VWF: variants seen among roughly 807,000 people sequenced by gnomAD.
VWF encodes von Willebrand factor, also known as Factor VIII related antigen.
Under a neutral mutation model 308.6 loss-of-function variants are expected in VWF, and 176 were observed. That is an observed-to-expected ratio of 0.57 (90% CI 0.50 to 0.65). The LOEUF (loss-of-function observed/expected upper bound fraction) is 0.65. Ranked by LOEUF, VWF falls within the 30% of genes least tolerant of loss-of-function variation. The probability of loss-of-function intolerance (pLI) is 0.00; values close to 1 mark genes in which losing one functional copy is unlikely to be tolerated. For missense variants in VWF, 3,146 were observed against 3,648.2 expected, an observed-to-expected ratio of 0.86 and a Z score of 3.55; for synonymous variants, 1,385 against 1,443.4, an observed-to-expected ratio of 0.96 and a Z score of 0.92.
Position 6,095,547 on chromosome 12 carries a change from T to TG in VWF, c.569dup (p.Trp191MetfsTer11). Reference sequence around the variant, plus strand: ...ACTGTTCTCCACTGCTCAGAGCCCATGAGTTGGCAAAGTCATAAGGGTCCG... The same window carrying TG: ...ACTGTTCTCCACTGCTCAGAGCCCATGGAGTTGGCAAAGTCATAAGGGTCCG... On this transcript the variant is annotated frameshift_variant, in exon 6 of 52. Coordinates refer to ENST00000261405, the MANE Select transcript of VWF (RefSeq NM_000552.5). LOFTEE classifies it high-confidence loss of function. 1 of 1,614,022 alleles carries TG rather than the reference T, an allele frequency of 6.2e-7. No homozygotes were observed. Among genetic ancestry groups the TG allele is most frequent in the Non-Finnish European group, 8.5e-7 (1 of 1,179,906 alleles).
chr12:5,967,110 C>T (rs949075007), intron 47 of VWF, among the ~76,000 whole-genome samples: 5 of 152,166 alleles, frequency 3.3e-5, no homozygotes, highest in African/African-American at 9.7e-5. Context: ...TTGTGTAGAG[C>T]CTTGCACATA....
In VWF at chr12:6,057,930, C is replaced by T. The variant is rs61754011; in HGVS notation, c.1648G>A (p.Gly550Arg). The T allele has an allele frequency of 6.2e-7, 1 of 1,613,688 alleles. No individual in the cohort carries two copies. The highest frequency in any genetic ancestry group is 8.5e-7 in the Non-Finnish European group (1 of 1,179,982). Residue 550 changes from glycine to arginine, a missense_variant, in exon 14 of 52, where the codon GGG (glycine) becomes AGG (arginine). Physicochemically the swap from Gly to Arg is moderately radical, Grantham distance 125 (BLOSUM62 -2). Coordinates refer to ENST00000261405, the MANE Select transcript of VWF (RefSeq NM_000552.5). ...TCCCCGTGCAGCTTCCAGGCGTTCCCGAAGTCCTCCACCCGGGGCTCCGCC... is the reference window on the plus strand; with the variant it reads ...TCCCCGTGCAGCTTCCAGGCGTTCCTGAAGTCCTCCACCCGGGGCTCCGCC... ...GLAEPRVEDF[G>R]NAWKLHGDCQ...
intron 41 of VWF, among the ~76,000 whole-genome samples, chr12:5,982,281 C>A (rs535824554): frequency 6.6e-6 from 1 of 152,134 alleles, no homozygotes; most frequent in African/African-American, 2.4e-5. Context: ...CTGGAAGGGG[C>A]GGGTTCCTTC....
intron 3 of VWF, among the ~76,000 whole-genome samples, chr12:6,114,920 C>T (rs751543990): frequency 1.3e-5 from 2 of 152,302 alleles, no homozygotes; most frequent in East Asian, 1.9e-4. Context: ...GGGGCTGCAT[C>T]GTGCCCTTCA....
At chr12:6,095,378 A>C in intron 6 of VWF, 82 bp downstream of exon 6, 1 of 1,606,188 alleles carries the variant, frequency 6.2e-7, no homozygotes. Flanking sequence ...CCCAGATGGA[A>C]GGATATGAGA....
chr12:5,951,018 C>G (rs976124310), intron 50 of VWF, among the ~76,000 whole-genome samples: 1 of 152,186 alleles, frequency 6.6e-6, no homozygotes, highest in African/African-American at 2.4e-5. Context: ...CATGTTTTCA[C>G]TCTTCCTTTC....
In VWF at chr12:5,981,840, G is replaced by C; in HGVS notation, c.7233C>G (p.Ala2411=). The stretch of plus-strand genomic sequence containing the variant: ...AGCCACAGTCATTGGTGGCAGTTGA[G>C]GCCAAGTACCCAAGGGGACAGCTCA... ...STVSCPLGYL[A]STATNDCGCT... The change falls in exon 42 of 52, where the codon GCC becomes GCG. Residue 2411 remains alanine, a synonymous_variant. Coordinates refer to ENST00000261405, the MANE Select transcript of VWF (RefSeq NM_000552.5). 6.2e-7 allele frequency: 1 copy of C among 1,614,132 alleles called. No homozygotes were observed. Among genetic ancestry groups the C allele is most frequent in the South Asian group, 1.1e-5 (1 of 91,078 alleles).
chr12:6,116,530 T>TC (rs1272914729), intron 3 of VWF, among the ~76,000 whole-genome samples: 4 of 152,080 alleles, frequency 2.6e-5, no homozygotes, highest in African/African-American at 4.8e-5. Context: ...AAACTAAGGC[T>TC]CCCCGGGGGA....
chr12:6,032,443 G>T (rs1181921726), intron 20 of VWF, among the ~76,000 whole-genome samples: 12 of 151,764 alleles, frequency 7.9e-5, no homozygotes, highest in Non-Finnish European at 1.2e-4. Flanking sequence ...ATCGAGACCA[G>T]CCTGGTTAAC....
chr12:6,048,220 T>C (rs956203647), intron 16 of VWF, among the ~76,000 whole-genome samples: 1 of 152,244 alleles, frequency 6.6e-6, no homozygotes, highest in South Asian at 2.1e-4. Context: ...CAGGCTGGAG[T>C]GCAGTGGTTC....
intron 18 of VWF, among the ~76,000 whole-genome samples, chr12:6,036,916 T>G (rs1023612903): frequency 6.6e-6 from 1 of 152,166 alleles, no homozygotes; most frequent in Non-Finnish European, 1.5e-5. Flanking sequence ...GGACAAAGAT[T>G]GATGGAGAAT....
chr12:6,103,184 C>T (rs773333670), intron 5 of VWF, among the ~76,000 whole-genome samples: 3 of 151,722 alleles, frequency 2.0e-5, no homozygotes, highest in Non-Finnish European at 2.9e-5. Context: ...AAAAATTAGC[C>T]GGGTGTGGTG....
chr12:6,029,649 G>T (rs868475179), intron 21 of VWF, among the ~76,000 whole-genome samples, 161 bp from the exon 22 acceptor site: 5 of 152,136 alleles, frequency 3.3e-5, no homozygotes, highest in South Asian at 4.1e-4. Context: ...TGCAGGGCCA[G>T]CCCCACGCCA....
At position 6,025,586 on chromosome 12, in the gene VWF, G is replaced by A. The variant is rs776680647; in HGVS notation, c.3216C>T (p.Asn1072=). The change falls in exon 24 of 52, where the codon AAC becomes AAT. Residue 1072 remains asparagine (N), a synonymous_variant. Transcript: ENST00000261405. ...ILTSDVFQDC[N]KLVDPEPYLD... is the part of the protein sequence containing the mutation. ...CTACCCTCAAGGTCCTCACCAGCTT[G>A]TTGCAGTCCTGGAAGACGTCACTGG... 6 of 1,474,970 alleles carry A rather than the reference G, an allele frequency of 4.1e-6. No individual in the cohort carries two copies. The highest frequency in any genetic ancestry group is 5.7e-6 in the Non-Finnish European group (6 of 1,056,160). The allele number at this position is 1,474,970 out of a possible 1,614,324, so 91.4% of individuals were successfully genotyped here. A position where few individuals can be genotyped will look rare whatever the true frequency, so the allele number is the denominator to read the frequency against.
chr12:6,116,585 G>A (rs1268977260), intron 3 of VWF, among the ~76,000 whole-genome samples: 1 of 152,170 alleles, frequency 6.6e-6, no homozygotes, highest in African/African-American at 2.4e-5. Flanking sequence ...TCTCTTGGCA[G>A]GTATGAGAGC....
In VWF at chr12:6,121,223, G is replaced by A; in HGVS notation, c.171C>T (p.Cys57=). Reference sequence around the variant, plus strand: ...GGCAGCCCCCTGCCAGGAGGTAACTGCAGTATCCCGCAAAGCTGTACATGC... The same window carrying A: ...GGCAGCCCCCTGCCAGGAGGTAACTACAGTATCCCGCAAAGCTGTACATGC... The part of the protein sequence containing the change: ...DGSMYSFAGY[C]SYLLAGGCQK... The change falls in exon 3 of 52, where the codon TGC becomes TGT. Residue 57 remains cysteine (C), a synonymous_variant. Coordinates refer to ENST00000261405, the MANE Select transcript of VWF (RefSeq NM_000552.5). 1.9e-6 allele frequency: 3 copies of A among 1,614,246 alleles called. No homozygotes were observed. The highest frequency in any genetic ancestry group is 2.5e-6 in the Non-Finnish European group (3 of 1,180,050).
rs1412048621 is a variant in VWF at position 6,103,452 on chromosome 12, A to ATGTGTG, written c.532+6921_532+6922insCACACA. ...CACACGTGTGTATATACATACACAT[A>ATGTGTG]TATGTGTATATACACATATGTGTGT... On this transcript the variant is annotated intron_variant, in intron 5 of 51. Transcript: ENST00000261405. Among the ~76,000 whole-genome samples, 14 of 90,868 alleles carry ATGTGTG rather than the reference A, an allele frequency of 1.5e-4. 1 individual carries two copies. The highest frequency in any genetic ancestry group is 1.1e-3 in the Admixed American group (10 of 9,110). The allele number at this position is 90,868 out of a possible 152,430, so 59.6% of individuals were successfully genotyped here.
rs868106033 is a variant in VWF, at chr12:6,003,916, C to T, written c.5843-7694G>A. Reference sequence around the variant, plus strand: ...CTACAAGCTCCACCTCCCGGGTTCACGCCATTCTCCTGCCTCAGCCTCCCG... The same window carrying T: ...CTACAAGCTCCACCTCCCGGGTTCATGCCATTCTCCTGCCTCAGCCTCCCG... On this transcript the variant is annotated intron_variant, in intron 34 of 51. Transcript: ENST00000261405. 1.4e-3 allele frequency among the ~76,000 whole-genome samples: 214 copies of T among 150,252 alleles called. 3 individuals are homozygous for T. The highest frequency in any genetic ancestry group is 4.5e-3 in the African/African-American group (183 of 40,792).
intron 17 of VWF, among the ~76,000 whole-genome samples, chr12:6,044,756 T>A (rs1010322584): frequency 6.6e-6 from 1 of 152,180 alleles, no homozygotes; most frequent in African/African-American, 2.4e-5. Context: ...TCAGGATGCA[T>A]TGCAGAAATT....
Sources: allele counts gnomAD v4.1 joint callset (sites outside exome capture counted in the v4.1 genomes callset), GRCh38; gene constraint gnomAD v4.1.1; transcripts MANE v1.5; gene names NCBI Gene and HGNC (gene_info 2026-07-23, HGNC 2026-07-21).